CSMD1: variants seen among roughly 807,000 people sequenced by gnomAD.
CSMD1 encodes CUB and Sushi multiple domains 1, also known as CUB and sushi domain-containing protein 1.
A neutral mutation model predicts 417.5 loss-of-function variants in CSMD1; 213 were observed. The ratio of observed to expected loss-of-function variants is 0.51; its 90% CI spans 0.46 to 0.57. The LOEUF (loss-of-function observed/expected upper bound fraction) is 0.57, where lower values mean the gene tolerates loss of function less well. CSMD1 is among the 20% of genes least tolerant of loss of function. The probability of loss-of-function intolerance (pLI) is 0.00; values close to 1 mark genes in which losing one functional copy is unlikely to be tolerated. For synonymous variants in CSMD1, 2,862 were observed against 1,736.8 expected, an observed-to-expected ratio of 1.65 and a Z score of -16.11; for missense variants, 6,923 against 4,529.7, an observed-to-expected ratio of 1.53 and a Z score of -15.17.
At chr8:3,877,149 C>G (rs546379214) in intron 5 of CSMD1, among the ~76,000 whole-genome samples, 15 of 152,290 alleles carry the variant, frequency 9.8e-5, no homozygotes, top group Middle Eastern at 3.4e-3. Flanking sequence ...TTTCCCCATC[C>G]CTTCCTCTAC....
chr8:4,631,758 T>C (rs1225365770), intron 2 of CSMD1, among the ~76,000 whole-genome samples: 4 of 152,250 alleles, frequency 2.6e-5, no homozygotes, highest in Non-Finnish European at 5.9e-5. Context: ...CCTATCACAT[T>C]CACCTCTAAC....
chr8:4,426,251 A>C (rs893559381), intron 2 of CSMD1, among the ~76,000 whole-genome samples: 2 of 151,822 alleles, frequency 1.3e-5, no homozygotes, highest in Non-Finnish European at 2.9e-5. Context: ...AAAATAACTT[A>C]TTTTTTATAA....
intron 3 of CSMD1, among the ~76,000 whole-genome samples, chr8:4,298,928 A>G (rs893877913): frequency 1.1e-4 from 16 of 152,100 alleles, no homozygotes; most frequent in African/African-American, 3.6e-4. Flanking sequence ...ACACATAAAT[A>G]CATAAACACA....
chr8:3,273,790 A>AT (rs536909722), intron 26 of CSMD1, among the ~76,000 whole-genome samples: 41,661 of 151,670 alleles, frequency 0.27, 5,943 homozygotes, highest in African/African-American at 0.34. Context: ...CCCCTTTATC[A>AT]TTTTTATTGT....
chr8:4,547,771 C>T (rs1468704313), intron 2 of CSMD1, among the ~76,000 whole-genome samples: 1 of 151,878 alleles, frequency 6.6e-6, no homozygotes, highest in Non-Finnish European at 1.5e-5. Flanking sequence ...ACTCTTGTAC[C>T]CTGGAAATTT....
intron 3 of CSMD1, among the ~76,000 whole-genome samples, chr8:4,227,672 C>A (rs991280602): frequency 1.3e-5 from 2 of 152,052 alleles, no homozygotes; most frequent in Non-Finnish European, 2.9e-5. Context: ...CTGGCAGACA[C>A]AGCCTCCATC....
At chr8:4,629,740 G>C (rs76982163) in intron 2 of CSMD1, among the ~76,000 whole-genome samples, 4,236 of 152,204 alleles carry the variant, frequency 0.028, 73 homozygotes, top group South Asian at 0.077. Context: ...AAACAGCAAA[G>C]ACTAGATTTA....
chr8:3,592,436 A>G (rs1800891751), intron 8 of CSMD1, among the ~76,000 whole-genome samples: 1 of 152,150 alleles, frequency 6.6e-6, no homozygotes, highest in Admixed American at 6.5e-5. Flanking sequence ...CAAGCAGCAG[A>G]AAACACAAAA....
intron 25 of CSMD1, among the ~76,000 whole-genome samples, chr8:3,305,015 G>C (rs1440994463): frequency 6.6e-6 from 1 of 152,048 alleles, no homozygotes; most frequent in African/African-American, 2.4e-5. Flanking sequence ...TAGCATTTGT[G>C]AATTCAAAGT....
At chr8:3,658,511 G>C (rs541329497) in intron 7 of CSMD1, among the ~76,000 whole-genome samples, 1 of 148,264 alleles carries the variant, frequency 6.7e-6, no homozygotes, top group African/African-American at 2.5e-5. Context: ...GGTCGGGCTT[G>C]GTGTCTCATG....
chr8:4,529,317 A>G (rs1033444014), intron 2 of CSMD1, among the ~76,000 whole-genome samples: 2 of 152,228 alleles, frequency 1.3e-5, no homozygotes, highest in Non-Finnish European at 2.9e-5. Context: ...GTATGCAAAA[A>G]AAATTACAAG....
intron 21 of CSMD1, among the ~76,000 whole-genome samples, chr8:3,354,343 T>C (rs1306147589): frequency 6.6e-6 from 1 of 152,100 alleles, no homozygotes; most frequent in Non-Finnish European, 1.5e-5. Context: ...GTAGAAATTG[T>C]TGTGGGGCTT....
At chr8:4,624,736 C>T (rs1435069297) in intron 2 of CSMD1, among the ~76,000 whole-genome samples, 1 of 152,096 alleles carries the variant, frequency 6.6e-6, no homozygotes, top group Non-Finnish European at 1.5e-5. Context: ...TGCTCTGTTT[C>T]GCTGATTCAC....
chr8:4,190,700 C>A (rs1435186861), intron 3 of CSMD1, among the ~76,000 whole-genome samples: 3 of 151,994 alleles, frequency 2.0e-5, no homozygotes, highest in South Asian at 4.1e-4. Flanking sequence ...TATGAATTAA[C>A]AAACATTTTA....
chr8:4,465,050 G>T (rs916045997), intron 2 of CSMD1, among the ~76,000 whole-genome samples: 1 of 152,106 alleles, frequency 6.6e-6, no homozygotes, highest in African/African-American at 2.4e-5. Flanking sequence ...AACACAACAA[G>T]GCCGAGCATT....
In CSMD1 at chr8:3,174,711, G is replaced by A. The variant is rs184468427; in HGVS notation, c.5725+6399C>T. Among the ~76,000 whole-genome samples the A allele has an allele frequency of 9.4e-4, 143 of 152,160 alleles. No individual in the cohort carries two copies. The Middle Eastern group carries it at 0.017, about 18-fold the overall frequency. The stretch of plus-strand genomic sequence containing the variant: ...ATTGTCAGAACATTTAAAGCTAAAT[G>A]TAAAGCCTAATAATAGCTATCTTAA... On this transcript the variant is annotated intron_variant, in intron 37 of 69. Transcript: ENST00000635120.
chr8:4,328,161 T>C lies in CSMD1; in HGVS notation c.415+91792A>G, dbSNP rs115129848. Among the ~76,000 whole-genome samples the C allele has an allele frequency of 3.4e-3, 519 of 152,206 alleles. 3 individuals carry two copies. Among genetic ancestry groups the C allele is most frequent in the African/African-American group, 0.012 (494 of 41,556 alleles). ...ATACTCAAAGATGTTAAATGCCTCATTCGAGGTCACATTATAAGACAGTAA... is the reference window on the plus strand; with the variant it reads ...ATACTCAAAGATGTTAAATGCCTCACTCGAGGTCACATTATAAGACAGTAA... On this transcript the variant is annotated intron_variant, in intron 3 of 69. Coordinates refer to ENST00000635120, the MANE Select transcript of CSMD1 (RefSeq NM_033225.6).
intron 1 of CSMD1, chr8:4,787,997 G>C: frequency 8.2e-6 from 13 of 1,591,940 alleles, no homozygotes; most frequent in Non-Finnish European, 1.1e-5. Flanking sequence ...AAGACAAACA[G>C]TGTTATCGGG....
chr8:4,713,291 T>C (rs1178547056), intron 1 of CSMD1, among the ~76,000 whole-genome samples: 2 of 152,224 alleles, frequency 1.3e-5, no homozygotes, highest in African/African-American at 4.8e-5. Context: ...AAGTTGGTTT[T>C]TGGAAACCTG....
Sources: allele counts gnomAD v4.1 joint callset (sites outside exome capture counted in the v4.1 genomes callset), GRCh38; gene constraint gnomAD v4.1.1; transcripts MANE v1.5; gene names NCBI Gene and HGNC (gene_info 2026-07-23, HGNC 2026-07-21).